The following GRIA4 variants were observed in gnomAD, a reference collection of about 807,000 sequenced individuals.
The protein encoded by GRIA4 is glutamate ionotropic receptor AMPA type subunit 4.
A neutral mutation model predicts 104.0 loss-of-function variants in GRIA4; 34 were observed. That is an observed-to-expected ratio of 0.33 (90% CI 0.25 to 0.44). The LOEUF is 0.44. GRIA4 is among the 20% of genes least tolerant of loss of function. The pLI is 1.00. For synonymous variants in GRIA4, 386 were observed against 381.9 expected (o/e 1.01, Z -0.13); for missense variants, 750 against 1,096.5 (o/e 0.68, Z 4.46).
At chr11:105,932,507 C>T (rs528840689) in intron 13 of GRIA4, among the ~76,000 whole-genome samples, 2 of 152,126 alleles carry the variant, frequency 1.3e-5, no homozygotes, top group South Asian at 4.2e-4. Flanking sequence ...TTTCAGTTCA[C>T]TAAAAATGTG....
intron 14 of GRIA4, among the ~76,000 whole-genome samples, chr11:105,955,008 A>C (rs1948549765): frequency 6.6e-6 from 1 of 151,202 alleles, no homozygotes; most frequent in African/African-American, 2.4e-5. Flanking sequence ...ATCATAAGTC[A>C]TTTTGGCAGC....
chr11:105,803,117 T>A (rs578030770), intron 4 of GRIA4, among the ~76,000 whole-genome samples: 22 of 152,166 alleles, frequency 1.4e-4, no homozygotes, highest in African/African-American at 5.3e-4. Context: ...TATCTCCGTG[T>A]TAAAATGTGT....
At chr11:105,615,194 CAAAG>C (rs540533581) in intron 3 of GRIA4, among the ~76,000 whole-genome samples, 7 of 151,648 alleles carry the variant, frequency 4.6e-5, no homozygotes, top group Non-Finnish European at 1.0e-4. Flanking sequence ...AAAAAAAACA[CAAAG>C]AATAAAGCGT....
At chr11:105,650,775 C>T (rs865864611) in intron 3 of GRIA4, among the ~76,000 whole-genome samples, 2 of 152,082 alleles carry the variant, frequency 1.3e-5, no homozygotes, top group African/African-American at 4.8e-5. Flanking sequence ...CCATGAAATA[C>T]GTTCACTTTA....
intron 10 of GRIA4, among the ~76,000 whole-genome samples, chr11:105,911,229 A>G (rs929815083): frequency 1.2e-4 from 18 of 152,226 alleles, no homozygotes; most frequent in African/African-American, 4.3e-4. Flanking sequence ...GGCCACATCA[A>G]AAAATGAAAA....
chr11:105,643,760 C>G (rs368426509), intron 3 of GRIA4, among the ~76,000 whole-genome samples: 84 of 152,176 alleles, frequency 5.5e-4, no homozygotes, highest in African/African-American at 1.8e-3. Context: ...GCTCTGTCAC[C>G]CAGGCTGGAG....
intron 4 of GRIA4, among the ~76,000 whole-genome samples, chr11:105,780,673 T>C (rs1941687075): frequency 6.6e-6 from 1 of 152,170 alleles, no homozygotes; most frequent in South Asian, 2.1e-4. Flanking sequence ...GCCACTGCCT[T>C]TTTGTTCTTA....
intron 6 of GRIA4, among the ~76,000 whole-genome samples, chr11:105,888,019 C>G (rs1946327328): frequency 6.6e-6 from 1 of 152,058 alleles, no homozygotes; most frequent in Non-Finnish European, 1.5e-5. Flanking sequence ...ATTATGTCAA[C>G]TTTTCACATA....
At chr11:105,879,413 A>G (rs554365265) in intron 5 of GRIA4, among the ~76,000 whole-genome samples, 58 of 152,292 alleles carry the variant, frequency 3.8e-4, no homozygotes, top group African/African-American at 1.3e-3. Flanking sequence ...AAAATTACCT[A>G]TTGGACTGAG....
chr11:105,936,697 T>C (rs1264618698), intron 14 of GRIA4, among the ~76,000 whole-genome samples: 6 of 152,174 alleles, frequency 3.9e-5, no homozygotes. Context: ...GTACGATATA[T>C]AACCAGAATT....
intron 14 of GRIA4, among the ~76,000 whole-genome samples, chr11:105,948,579 CT>C (rs1948375667): frequency 7.8e-6 from 1 of 128,054 alleles, no homozygotes; most frequent in Non-Finnish European, 1.7e-5. Flanking sequence ...TCTTTCTTTT[CT>C]TTTCTTTTCT....
At chr11:105,855,755 G>A (rs771503100) in intron 4 of GRIA4, among the ~76,000 whole-genome samples, 6 of 152,080 alleles carry the variant, frequency 3.9e-5, no homozygotes, top group Non-Finnish European at 7.4e-5. Context: ...TGTATTCATA[G>A]GGAATATTCA....
chr11:105,725,899 C>T (rs1284176234), intron 3 of GRIA4, among the ~76,000 whole-genome samples: 2 of 152,164 alleles, frequency 1.3e-5, no homozygotes, highest in African/African-American at 2.4e-5. Flanking sequence ...TTGCAACCCA[C>T]AAACCAGGAG....
chr11:105,883,212 T>C (rs1946128132), intron 5 of GRIA4, among the ~76,000 whole-genome samples: 1 of 152,156 alleles, frequency 6.6e-6, no homozygotes, highest in Non-Finnish European at 1.5e-5. Context: ...TAATTGATCC[T>C]TCCTAAGCTA....
intron 5 of GRIA4, among the ~76,000 whole-genome samples, chr11:105,869,634 G>A (rs1945545305): frequency 1.3e-5 from 2 of 152,014 alleles, no homozygotes; most frequent in Non-Finnish European, 2.9e-5. Flanking sequence ...GTACCTTTGA[G>A]GACCCTTTTC....
chr11:105,679,968 T>C (rs1324420698), intron 3 of GRIA4, among the ~76,000 whole-genome samples: 1 of 152,120 alleles, frequency 6.6e-6, no homozygotes, highest in Non-Finnish European at 1.5e-5. Flanking sequence ...TACTAAGAGA[T>C]GCCCTAAGGG....
intron 3 of GRIA4, among the ~76,000 whole-genome samples, chr11:105,686,306 T>C (rs7935535): frequency 6.6e-6 from 1 of 152,196 alleles, no homozygotes; most frequent in Non-Finnish European, 1.5e-5. Context: ...CTCCTAGTTA[T>C]AAGTAAGAAC....
chr11:105,845,823 G>A (rs1366330211), intron 4 of GRIA4, among the ~76,000 whole-genome samples: 3 of 152,052 alleles, frequency 2.0e-5, no homozygotes, highest in Non-Finnish European at 4.4e-5. Context: ...CCCGGGAGTC[G>A]GAGCTTGCAG....
At chr11:105,930,732 C>A (rs1947848844) in intron 13 of GRIA4, among the ~76,000 whole-genome samples, 2 of 152,054 alleles carry the variant, frequency 1.3e-5, no homozygotes, top group Non-Finnish European at 2.9e-5. Context: ...CTTTAATAAA[C>A]CACTTATTTG....
Sources: gnomAD v4.1 joint callset for allele counts (sites outside exome capture counted in the v4.1 genomes callset) on GRCh38, gnomAD v4.1.1 for gene constraint, MANE v1.5 for transcripts, NCBI Gene and HGNC (gene_info 2026-07-23, HGNC 2026-07-21) for gene names.